The following STIM1 variants were observed in gnomAD, a reference collection of about 807,000 sequenced individuals.
STIM1 encodes stromal interaction molecule 1.
STIM1 carries 25 observed loss-of-function variants against 74.7 expected under a neutral mutation model. That is an observed-to-expected ratio of 0.33 (90% CI 0.24 to 0.47). The LOEUF (loss-of-function observed/expected upper bound fraction) is 0.47. Ranked by LOEUF, STIM1 falls within the 20% of genes least tolerant of loss-of-function variation. The pLI, the probability that STIM1 is intolerant of heterozygous loss-of-function variation, is 1.00. For synonymous variants in STIM1, 328 were observed against 348.8 expected (o/e 0.94, Z 0.66); for missense variants, 728 against 920.8 (o/e 0.79, Z 2.71).
At chr11:3,919,394 G>A (rs1442654415) in intron 1 of STIM1, among the ~76,000 whole-genome samples, 11 of 151,896 alleles carry the variant, frequency 7.2e-5, no homozygotes, top group Admixed American at 3.3e-4. Flanking sequence ...TAGTAGAGAC[G>A]GGGTTTCACC....
At chr11:4,086,424 G>T (rs879107903) in intron 11 of STIM1, 53 bp from the exon 12 acceptor site, 2 of 1,602,204 alleles carry the variant, frequency 1.2e-6, no homozygotes, top group Non-Finnish European at 1.7e-6. Flanking sequence ...CTCCTTACCT[G>T]CCAGCCCAAA....
chr11:3,875,314 A>G (rs1461537616), intron 1 of STIM1, among the ~76,000 whole-genome samples: 1 of 152,246 alleles, frequency 6.6e-6, no homozygotes, highest in Non-Finnish European at 1.5e-5. Flanking sequence ...TATAAGTTGA[A>G]TTATTTTTCT....
intron 2 of STIM1, among the ~76,000 whole-genome samples, chr11:4,007,170 A>G (rs2093790338): frequency 6.6e-6 from 1 of 152,150 alleles, no homozygotes. Context: ...GACAGCTGGT[A>G]GCTTGGCTCT....
intron 1 of STIM1, among the ~76,000 whole-genome samples, chr11:3,914,432 T>C (rs1463516407): frequency 6.6e-6 from 1 of 152,168 alleles, no homozygotes; most frequent in Non-Finnish European, 1.5e-5. Flanking sequence ...CTTGTTCCAG[T>C]ACCTGTTTTC....
At chr11:3,926,131 T>C (rs1007121391) in intron 1 of STIM1, among the ~76,000 whole-genome samples, 4 of 152,224 alleles carry the variant, frequency 2.6e-5, no homozygotes, top group Non-Finnish European at 4.4e-5. Flanking sequence ...ATTCATTTAT[T>C]TATTTGCAAA....
intron 1 of STIM1, among the ~76,000 whole-genome samples, chr11:3,888,847 C>T (rs979256166): frequency 2.0e-5 from 3 of 152,034 alleles, no homozygotes; most frequent in Admixed American, 1.3e-4. Context: ...CCACCATGCC[C>T]GGCCGCCGTG....
At chr11:4,049,565 G>A (rs963182051) in intron 3 of STIM1, 3 of 151,886 alleles carry the variant, frequency 2.0e-5, no homozygotes, top group Admixed American at 6.6e-5. Flanking sequence ...CTGAGTTCAA[G>A]TGATCCTCCT....
intron 1 of STIM1, among the ~76,000 whole-genome samples, chr11:3,885,610 GTTTTA>G (rs541367449): frequency 8.2e-4 from 125 of 152,170 alleles, no homozygotes; most frequent in African/African-American, 2.8e-3. Flanking sequence ...ACACATTCCA[GTTTTA>G]TTTTATTTTA....
At chr11:4,035,400 A>T (rs2094090716) in intron 3 of STIM1, among the ~76,000 whole-genome samples, 1 of 151,790 alleles carries the variant, frequency 6.6e-6, no homozygotes, top group African/African-American at 2.4e-5. Flanking sequence ...TCAATAACTT[A>T]GTATCCCTTA....
At chr11:3,922,129 C>T (rs533736189) in intron 1 of STIM1, among the ~76,000 whole-genome samples, 4 of 151,938 alleles carry the variant, frequency 2.6e-5, no homozygotes, top group South Asian at 2.1e-4. Context: ...AATATACATT[C>T]CTACAAGCAG....
chr11:3,978,148 CTTTT>C (rs768698563), intron 2 of STIM1, among the ~76,000 whole-genome samples: 1 of 139,362 alleles, frequency 7.2e-6, no homozygotes. Flanking sequence ...TGCCTGTGTA[CTTTT>C]TTTTTTTTTT....
intron 2 of STIM1, chr11:3,973,826 G>A (rs1258112191): frequency 2.6e-6 from 1 of 378,032 alleles, no homozygotes; most frequent in East Asian, 5.0e-5. Context: ...CGATCTTCCT[G>A]TCTCAGCCTC....
intron 1 of STIM1, among the ~76,000 whole-genome samples, chr11:3,964,461 C>T (rs747531834): frequency 7.9e-5 from 12 of 152,150 alleles, no homozygotes; most frequent in Non-Finnish European, 1.6e-4. Context: ...TCATCTGATG[C>T]TAGCAGCAAA....
At chr11:4,066,310 T>A (rs529038355) in intron 5 of STIM1, among the ~76,000 whole-genome samples, 1 of 152,232 alleles carries the variant, frequency 6.6e-6, no homozygotes, top group Non-Finnish European at 1.5e-5. Flanking sequence ...GGTTGTGCGA[T>A]GCAGCTGGCC....
chr11:4,023,212 C>A (rs2093972195), intron 2 of STIM1, among the ~76,000 whole-genome samples: 1 of 152,102 alleles, frequency 6.6e-6, no homozygotes, highest in Non-Finnish European at 1.5e-5. Context: ...ACCTGTAATC[C>A]CAGCTACTCA....
At chr11:3,948,074 A>G (rs2093101143) in intron 1 of STIM1, among the ~76,000 whole-genome samples, 1 of 152,194 alleles carries the variant, frequency 6.6e-6, no homozygotes, top group Admixed American at 6.5e-5. Flanking sequence ...AGTTAGGTTT[A>G]GAAGAGCTCT....
intron 3 of STIM1, among the ~76,000 whole-genome samples, chr11:4,050,141 C>G (rs934139987): frequency 6.6e-6 from 1 of 152,156 alleles, no homozygotes. Context: ...GTTTCTTCAG[C>G]CTTGATTTGG....
In STIM1 at chr11:4,032,493, T is replaced by C. The variant is rs574585605; in HGVS notation, c.385+8506T>C. ...TAGTGTTAGCCCTCCAACTTTGTTCTTTTTCAAGTTATTTTGGCTGTTTCA... is the reference window on the plus strand; with the variant it reads ...TAGTGTTAGCCCTCCAACTTTGTTCCTTTTCAAGTTATTTTGGCTGTTTCA... On this transcript the variant is annotated intron_variant, in intron 3 of 12. Transcript: ENST00000526596. Among the ~76,000 whole-genome samples the C allele has an allele frequency of 7.4e-4, 112 of 152,336 alleles. 1 individual carries two copies. Among genetic ancestry groups the C allele is most frequent in the African/African-American group, 2.6e-3 (110 of 41,566 alleles).
intron 1 of STIM1, among the ~76,000 whole-genome samples, chr11:3,909,282 T>C (rs1447724762): frequency 2.6e-5 from 4 of 152,140 alleles, no homozygotes; most frequent in African/African-American, 9.7e-5. Context: ...TAGAGCTTTG[T>C]CATTTCAAGG....
Sources: allele counts gnomAD v4.1 joint callset (sites outside exome capture counted in the v4.1 genomes callset), GRCh38; gene constraint gnomAD v4.1.1; transcripts MANE v1.5; gene names NCBI Gene and HGNC (gene_info 2026-07-23, HGNC 2026-07-21).